The following STAC variants were observed in gnomAD, a reference collection of about 807,000 sequenced individuals.
STAC encodes SH3 and cysteine-rich domain-containing protein.
A neutral mutation model predicts 48.8 loss-of-function variants in STAC; 43 were observed. The observed-to-expected ratio is 0.88, with a 90% CI of 0.69 to 1.14. The LOEUF is 1.14. STAC is among the 50% of genes most tolerant of loss of function. The pLI is 0.00. For synonymous variants in STAC, 193 were observed against 179.5 expected, an observed-to-expected ratio of 1.07 and a Z score of -0.60; for missense variants, 497 against 504.0, an observed-to-expected ratio of 0.99 and a Z score of 0.13.
intron 2 of STAC, among the ~76,000 whole-genome samples, chr3:36,480,722 T>TC (rs1181883899): frequency 6.6e-6 from 1 of 152,262 alleles, no homozygotes; most frequent in East Asian, 1.9e-4. Context: ...ATCTTCAAGT[T>TC]CCCCCTTTCA....
intron 1 of STAC, among the ~76,000 whole-genome samples, chr3:36,432,688 G>C (rs1483354113): frequency 6.6e-6 from 1 of 150,888 alleles, no homozygotes; most frequent in Non-Finnish European, 1.5e-5. Flanking sequence ...GGGTGACAGA[G>C]TGAGACTCCG....
rs113368082 is a variant in STAC, at chr3:36,521,179, G to A, written c.921-7517G>A. Among the ~76,000 whole-genome samples, 42 of 151,966 alleles carry A rather than the reference G, an allele frequency of 2.8e-4. 1 individual carries two copies. The highest frequency in any genetic ancestry group is 9.4e-4 in the African/African-American group (39 of 41,482). On this transcript the variant is annotated intron_variant, in intron 8 of 10. Coordinates refer to ENST00000273183, the MANE Select transcript of STAC (RefSeq NM_003149.3). ...CTGAGTGACTGGTTGCTATAAACTT[G>A]ATTTAAGGTTCGTTTTGCCTAATGA...
intron 1 of STAC, among the ~76,000 whole-genome samples, chr3:36,414,465 A>G (rs1013332957): frequency 3.3e-5 from 5 of 152,166 alleles, no homozygotes; most frequent in African/African-American, 1.2e-4. Flanking sequence ...AGTTGATCGA[A>G]TGGGCTACTG....
intron 10 of STAC, among the ~76,000 whole-genome samples, chr3:36,543,867 T>G (rs1194970259): frequency 1.3e-5 from 2 of 152,218 alleles, no homozygotes; most frequent in African/African-American, 4.8e-5. Flanking sequence ...AATACAGCAT[T>G]CTTGTGTGTA....
chr3:36,531,349 T>G (rs1575266815), intron 10 of STAC, among the ~76,000 whole-genome samples: 2 of 152,192 alleles, frequency 1.3e-5, no homozygotes, highest in East Asian at 3.8e-4. Context: ...CGGAAGTGAT[T>G]AACTCAATGA....
intron 10 of STAC, among the ~76,000 whole-genome samples, chr3:36,531,396 GC>G (rs1207330795): frequency 6.6e-6 from 1 of 152,178 alleles, no homozygotes; most frequent in Non-Finnish European, 1.5e-5. Flanking sequence ...AGGACCCTAA[GC>G]AATTTTGATG....
At chr3:36,416,566 C>A (rs1279876255) in intron 1 of STAC, among the ~76,000 whole-genome samples, 3 of 152,162 alleles carry the variant, frequency 2.0e-5, no homozygotes, top group Non-Finnish European at 1.5e-5. Context: ...TTCTCTTGGG[C>A]TCTTTATATC....
rs574614287 is a variant in STAC at position 36,490,752 on chromosome 3, A to G, written c.688-2399A>G. ...GCCTCCTCATTTGAGGCTGATGCTA[A>G]GAAGCAGCAAGACCACCAGAGGGAC... On this transcript the variant is annotated intron_variant, in intron 5 of 10. Coordinates refer to ENST00000273183, the MANE Select transcript of STAC (RefSeq NM_003149.3). 2.6e-5 allele frequency among the ~76,000 whole-genome samples: 4 copies of G among 152,372 alleles called. No individual in the cohort carries two copies. In the East Asian group the frequency reaches 7.7e-4, roughly 29 times the overall value.
At chr3:36,466,298 T>A (rs1032465821) in intron 2 of STAC, among the ~76,000 whole-genome samples, 4 of 152,226 alleles carry the variant, frequency 2.6e-5, no homozygotes, top group African/African-American at 7.2e-5. Flanking sequence ...TTTTGGTGAC[T>A]ATGGCTTTAT....
chr3:36,492,603 TTGTTA>T (rs892684139), intron 5 of STAC, among the ~76,000 whole-genome samples: 2 of 152,212 alleles, frequency 1.3e-5, no homozygotes. Context: ...GTTTTTGTTC[TTGTTA>T]TTTCTGTAAC....
chr3:36,466,527 T>C (rs900077916), intron 2 of STAC, among the ~76,000 whole-genome samples: 25 of 152,190 alleles, frequency 1.6e-4, no homozygotes, highest in Non-Finnish European at 1.3e-4. Context: ...TTAAACCCAT[T>C]CATGAACATG....
intron 1 of STAC, among the ~76,000 whole-genome samples, chr3:36,382,295 G>T (rs1250769996): frequency 6.6e-6 from 1 of 152,162 alleles, no homozygotes; most frequent in Non-Finnish European, 1.5e-5. Flanking sequence ...TTTTGAATTG[G>T]CCTGTTGCTC....
At chr3:36,497,509 AAAT>A (rs1698179286) in intron 6 of STAC, among the ~76,000 whole-genome samples, 1 of 152,160 alleles carries the variant, frequency 6.6e-6, no homozygotes, top group Non-Finnish European at 1.5e-5. Flanking sequence ...TTAGCTTGGG[AAAT>A]AATAGGCCCC....
chr3:36,433,252 T>C lies in STAC; in HGVS notation c.112-10112T>C, dbSNP rs79467153. ...AACCAAGGCACTTAAGGTTTATGTA[T>C]CATTGGAAAACTGGGGCCTGCTCTT... On this transcript the variant is annotated intron_variant, in intron 1 of 10. Coordinates refer to ENST00000273183, the MANE Select transcript of STAC (RefSeq NM_003149.3). Among the ~76,000 whole-genome samples, 6 of 152,176 alleles carry C rather than the reference T, an allele frequency of 3.9e-5. No individual in the cohort carries two copies. The East Asian group carries it at 9.7e-4, about 24-fold the overall frequency.
chr3:36,402,924 A>C (rs73828881), intron 1 of STAC, among the ~76,000 whole-genome samples: 3,536 of 152,278 alleles, frequency 0.023, 59 homozygotes, highest in East Asian at 0.026. Flanking sequence ...CAAGCTAGTT[A>C]TTCACCCTTA....
intron 2 of STAC, among the ~76,000 whole-genome samples, chr3:36,466,500 C>T (rs151070443): frequency 2.0e-3 from 301 of 152,234 alleles, no homozygotes; most frequent in African/African-American, 7.1e-3. Context: ...GCAATATGGT[C>T]ATTTTCCCAA....
intron 1 of STAC, among the ~76,000 whole-genome samples, chr3:36,412,873 T>C (rs1049747635): frequency 1.3e-5 from 2 of 152,196 alleles, no homozygotes; most frequent in African/African-American, 4.8e-5. Flanking sequence ...TAAATAGACT[T>C]AATCCAATCT....
chr3:36,400,620 AAC>A (rs772852384), intron 1 of STAC, among the ~76,000 whole-genome samples: 2 of 152,182 alleles, frequency 1.3e-5, no homozygotes, highest in South Asian at 2.1e-4. Flanking sequence ...GGCCAATTGA[AAC>A]ACAGATTATT....
At position 36,546,597 on chromosome 3, in the gene STAC, T is replaced by C. The variant is rs1339114871; in HGVS notation, c.*308T>C. 4.6e-6 allele frequency: 2 copies of C among 437,868 alleles called. No homozygotes were observed. The highest frequency in any genetic ancestry group is 3.4e-5 in the South Asian group (1 of 29,648). The allele number at this position is 437,868 out of a possible 1,614,324, so 27.1% of individuals were successfully genotyped here. A position where few individuals can be genotyped will look rare whatever the true frequency, so the allele number is the denominator to read the frequency against. ...CCCCCAGGATCCCACTCCTTTCCTG[T>C]CTGTGTGGTGTAAGTTAACACACTG... On this transcript the variant is annotated 3_prime_UTR_variant, in exon 11 of 11. Coordinates refer to ENST00000273183, the MANE Select transcript of STAC (RefSeq NM_003149.3).
Sources: gnomAD v4.1 joint callset for allele counts (sites outside exome capture counted in the v4.1 genomes callset) on GRCh38, gnomAD v4.1.1 for gene constraint, MANE v1.5 for transcripts, NCBI Gene and HGNC (gene_info 2026-07-23, HGNC 2026-07-21) for gene names.